TMPRSS11F: variants seen among roughly 807,000 people sequenced by gnomAD.
TMPRSS11F encodes the protein transmembrane serine protease 11F, also known as transmembrane protease serine 11F.
TMPRSS11F carries 47 observed loss-of-function variants against 60.2 expected under a neutral mutation model. The observed-to-expected ratio is 0.78, with a 90% CI of 0.62 to 1.00. TMPRSS11F has a LOEUF of 1.00. Among genes scored for constraint, TMPRSS11F ranks in the 50% least tolerant of loss-of-function variants. TMPRSS11F has a pLI of 0.00. For synonymous variants in TMPRSS11F, 166 were observed against 167.3 expected, an observed-to-expected ratio of 0.99 and a Z score of 0.06; for missense variants, 519 against 522.9, an observed-to-expected ratio of 0.99 and a Z score of 0.07.
chr4:68,063,552 T>C (rs1472782464), intron 8 of TMPRSS11F, among the ~76,000 whole-genome samples: 1 of 152,004 alleles, frequency 6.6e-6, no homozygotes, highest in Non-Finnish European at 1.5e-5. Context: ...AATTTTTTTT[T>C]GTATTTTTAG....
In TMPRSS11F at chr4:68,054,046, C is replaced by T. The variant is rs1477301923; in HGVS notation, c.1180G>A (p.Val394Ile). 6.2e-7 allele frequency: 1 copy of T among 1,612,920 alleles called. No individual in the cohort carries two copies. Among genetic ancestry groups the T allele is most frequent in the South Asian group, 1.1e-5 (1 of 90,936 alleles). The change falls in exon 10 of 10, where the codon GTT becomes ATT. Residue 394 changes from valine (V) to isoleucine (I), a missense_variant. Coordinates refer to ENST00000356291, the MANE Select transcript of TMPRSS11F (RefSeq NM_207407.2). ...ACKGDSGGPL[V>I]YDNHDIWYIV... Reference sequence around the variant, plus strand: ...TACCAGATGTCATGATTATCATAAACCAGAGGTCCACCAGAATCTCCCTGA... The same window carrying T: ...TACCAGATGTCATGATTATCATAAATCAGAGGTCCACCAGAATCTCCCTGA...
chr4:68,072,227 A>ATATATATATATATATATATATATCTTCC (rs56655246), intron 5 of TMPRSS11F, 96 bp downstream of exon 5: 1 of 62,740 alleles, frequency 1.6e-5, no homozygotes, highest in African/African-American at 4.7e-5. Context: ...CTTCCAAAAA[A>ATATATATATATATATATATATATCTTCC]AAAATATATA....
At chr4:68,064,313 T>C (rs1723274472) in intron 8 of TMPRSS11F, among the ~76,000 whole-genome samples, 1 of 152,044 alleles carries the variant, frequency 6.6e-6, no homozygotes, top group Non-Finnish European at 1.5e-5. Context: ...ACCTCCCAAG[T>C]AACTGGGATT....
chr4:68,074,971 CA>C (rs1302871078), intron 3 of TMPRSS11F, among the ~76,000 whole-genome samples: 1 of 152,058 alleles, frequency 6.6e-6, no homozygotes, highest in Non-Finnish European at 1.5e-5. Context: ...AATCTGGTCT[CA>C]AAATAAATAA....
chr4:68,105,148 T>C (rs917368832), intron 1 of TMPRSS11F, among the ~76,000 whole-genome samples: 1 of 149,346 alleles, frequency 6.7e-6, no homozygotes, highest in African/African-American at 2.5e-5. Context: ...AGCCATCTGG[T>C]CCTGGGCTTT....
intron 3 of TMPRSS11F, among the ~76,000 whole-genome samples, chr4:68,088,503 G>A (rs1451370244): frequency 6.6e-6 from 1 of 151,480 alleles, no homozygotes; most frequent in Non-Finnish European, 1.5e-5. Flanking sequence ...AAGTCAACAA[G>A]GATACCCAGG....
chr4:68,104,012 A>G (rs1217822680), intron 1 of TMPRSS11F, among the ~76,000 whole-genome samples: 2 of 152,202 alleles, frequency 1.3e-5, no homozygotes, highest in African/African-American at 4.8e-5. Flanking sequence ...TGTACCCCGC[A>G]ACGTTATAAA....
In TMPRSS11F at chr4:68,081,075, G is replaced by A. The variant is rs940667688; in HGVS notation, c.283-7066C>T. 7.2e-5 allele frequency: 11 copies of A among 152,160 alleles called. No individual in the cohort carries two copies. In the East Asian group the frequency reaches 2.1e-3, roughly 29 times the overall value. 9.4% of individuals were successfully genotyped at this position (152,160 alleles called of 1,614,324 possible). A position where few individuals can be genotyped will look rare whatever the true frequency, so the allele number is the denominator to read the frequency against. ...ATGAAAAAAGAAATATTTTTAAGAT[G>A]TCCTTTTAAAACATAGTCCCTCAAG... On this transcript the variant is annotated intron_variant, in intron 3 of 9. Transcript: ENST00000356291.
chr4:68,072,236 T>TATATATATATATATATATATCTTCCAAA (rs1421903143), intron 5 of TMPRSS11F, 87 bp downstream of exon 5: 1 of 138,324 alleles, frequency 7.2e-6, no homozygotes, highest in African/African-American at 2.7e-5. Flanking sequence ...AAAAAATATA[T>TATATATATATATATATATATCTTCCAAA]ATATATATAT....
At chr4:68,077,540 C>A (rs1468915435) in intron 3 of TMPRSS11F, 1 of 152,218 alleles carries the variant, frequency 6.6e-6, no homozygotes. Flanking sequence ...ATGTCAGGAT[C>A]CACTTAAGAG....
intron 1 of TMPRSS11F, among the ~76,000 whole-genome samples, chr4:68,128,330 G>A (rs1050070920): frequency 1.2e-4 from 19 of 152,148 alleles, no homozygotes; most frequent in African/African-American, 4.6e-4. Context: ...TTGAGATGAT[G>A]GATATGCTAA....
At chr4:68,057,229 G>A (rs1723064043) in intron 9 of TMPRSS11F, among the ~76,000 whole-genome samples, 1 of 144,384 alleles carries the variant, frequency 6.9e-6, no homozygotes, top group East Asian at 2.1e-4. Context: ...AGGTTGCAGT[G>A]ATTCTAGATC....
chr4:68,064,012 G>C (rs1444164210), intron 8 of TMPRSS11F, among the ~76,000 whole-genome samples: 3 of 151,904 alleles, frequency 2.0e-5, no homozygotes. Flanking sequence ...ATCTAGGAAA[G>C]ACAAAATTTG....
At chr4:68,078,646 G>C (rs1198970602) in intron 3 of TMPRSS11F, among the ~76,000 whole-genome samples, 1 of 152,214 alleles carries the variant, frequency 6.6e-6, no homozygotes, top group African/African-American at 2.4e-5. Flanking sequence ...GTAAAGGGAA[G>C]AAGATGGTAA....
chr4:68,123,030 C>T (rs1724651783), intron 1 of TMPRSS11F, among the ~76,000 whole-genome samples: 1 of 152,142 alleles, frequency 6.6e-6, no homozygotes, highest in African/African-American at 2.4e-5. Flanking sequence ...AGATAATGCT[C>T]TAAGAGAGTC....
At chr4:68,127,520 C>T (rs1724737110) in intron 1 of TMPRSS11F, among the ~76,000 whole-genome samples, 1 of 142,244 alleles carries the variant, frequency 7.0e-6, no homozygotes, top group Non-Finnish European at 1.5e-5. Flanking sequence ...ATGTGGGATA[C>T]TTTAAATAGT....
chr4:68,120,254 G>T (rs927879198), intron 1 of TMPRSS11F, among the ~76,000 whole-genome samples: 2 of 152,092 alleles, frequency 1.3e-5, no homozygotes, highest in East Asian at 3.8e-4. Context: ...AAAGGATTTG[G>T]AATAATACAT....
intron 1 of TMPRSS11F, among the ~76,000 whole-genome samples, chr4:68,127,273 AC>A (rs1724729216): frequency 6.6e-6 from 1 of 152,028 alleles, no homozygotes; most frequent in Non-Finnish European, 1.5e-5. Context: ...GCTTTTAAAA[AC>A]TAAACACAGT....
At chr4:68,100,453 G>A (rs1213464224) in intron 1 of TMPRSS11F, among the ~76,000 whole-genome samples, 1 of 152,172 alleles carries the variant, frequency 6.6e-6, no homozygotes, top group South Asian at 2.1e-4. Context: ...GAAGGAGACT[G>A]TGAGGACCTG....
Sources: allele counts gnomAD v4.1 joint callset (sites outside exome capture counted in the v4.1 genomes callset), GRCh38; gene constraint gnomAD v4.1.1; transcripts MANE v1.5; gene names NCBI Gene and HGNC (gene_info 2026-07-23, HGNC 2026-07-21).